ACTR3C: variants seen among roughly 807,000 people sequenced by gnomAD.
ACTR3C encodes the protein actin-related protein 3C.
Under a neutral mutation model 26.3 loss-of-function variants are expected in ACTR3C, and 18 were observed. The ratio of observed to expected loss-of-function variants is 0.68; its 90% CI spans 0.47 to 1.01. ACTR3C has a LOEUF of 1.01. ACTR3C is among the 50% of genes least tolerant of loss of function. The pLI, the probability that ACTR3C is intolerant of heterozygous loss-of-function variation, is 0.00. For missense variants in ACTR3C, 184 were observed against 250.7 expected, an observed-to-expected ratio of 0.73 and a Z score of 1.80; for synonymous variants, 55 against 94.5, an observed-to-expected ratio of 0.58 and a Z score of 2.42.
chr7:150,079,102 C>T, the ACTR3C span, among the ~76,000 whole-genome samples: 1 of 152,150 alleles, frequency 6.6e-6, no homozygotes, highest in African/African-American at 2.4e-5. Flanking sequence ...TCCATTTTTC[C>T]CATTTTTATG....
the ACTR3C span, among the ~76,000 whole-genome samples, chr7:150,191,159 C>A: frequency 6.6e-6 from 1 of 152,174 alleles, no homozygotes; most frequent in East Asian, 1.9e-4. Context: ...GTATGAGTAT[C>A]CCCATTATGT....
chr7:150,080,649 G>A, the ACTR3C span, among the ~76,000 whole-genome samples: 2 of 151,652 alleles, frequency 1.3e-5, no homozygotes, highest in Non-Finnish European at 2.9e-5. Context: ...ACACCTAGAT[G>A]GACAGTTCTG....
At position 150,296,210 on chromosome 7, in the gene ACTR3C, A is replaced by G. The variant is rs1049191107; in HGVS notation, c.-51-863T>C. On this transcript the variant is annotated intron_variant, in intron 1 of 7. Transcript: ENST00000683684. ...TATGAAAAAATTTAAAAGTCAGCCAAGTGTGGTGGCACATGCCTGTGATCC... is the reference window on the plus strand; with the variant it reads ...TATGAAAAAATTTAAAAGTCAGCCAGGTGTGGTGGCACATGCCTGTGATCC... Among the ~76,000 whole-genome samples, 148 of 148,580 alleles carry G rather than the reference A, an allele frequency of 1.0e-3. 3 individuals are homozygous for G. Among genetic ancestry groups the G allele is most frequent in the Non-Finnish European group, 4.0e-4 (27 of 67,792 alleles).
the ACTR3C span, among the ~76,000 whole-genome samples, chr7:150,086,463 A>T: frequency 0.041 from 5,609 of 135,320 alleles, no homozygotes; most frequent in East Asian, 0.069. Context: ...AAATTCCCAC[A>T]GTTCTCATCA....
At chr7:150,224,546 C>A in the ACTR3C span, among the ~76,000 whole-genome samples, 3 of 152,192 alleles carry the variant, frequency 2.0e-5, no homozygotes, top group Non-Finnish European at 4.4e-5. Flanking sequence ...TGTAGGCACA[C>A]CTGTTCCATA....
At chr7:150,214,679 A>T in the ACTR3C span, among the ~76,000 whole-genome samples, 1 of 152,188 alleles carries the variant, frequency 6.6e-6, no homozygotes, top group African/African-American at 2.4e-5. Context: ...AAGATGGTGC[A>T]TTTAAAGATT....
chr7:150,196,025 GT>G, the ACTR3C span, among the ~76,000 whole-genome samples: 1 of 151,924 alleles, frequency 6.6e-6, no homozygotes, highest in Admixed American at 6.6e-5. Context: ...CTCCTATTTT[GT>G]TCTTCAGCAA....
the ACTR3C span, among the ~76,000 whole-genome samples, chr7:150,031,933 C>A: frequency 6.6e-6 from 1 of 152,222 alleles, no homozygotes; most frequent in Non-Finnish European, 1.5e-5. Context: ...TTGTTTTCAC[C>A]CTGTATGGCA....
the ACTR3C span, among the ~76,000 whole-genome samples, chr7:149,959,416 A>G: frequency 1.3e-5 from 2 of 152,164 alleles, no homozygotes; most frequent in Middle Eastern, 3.4e-3. Context: ...AACCCCATAC[A>G]TGGTGTATGG....
the ACTR3C span, among the ~76,000 whole-genome samples, chr7:150,184,167 A>T: frequency 6.6e-6 from 1 of 150,796 alleles, no homozygotes; most frequent in African/African-American, 2.5e-5. Flanking sequence ...TCTGCATACT[A>T]CACTTTACAC....
the ACTR3C span, among the ~76,000 whole-genome samples, chr7:149,895,589 ACT>A: frequency 1.3e-5 from 2 of 152,132 alleles, no homozygotes; most frequent in Non-Finnish European, 2.9e-5. Flanking sequence ...AATCCCAGAG[ACT>A]CACGAGGCTA....
chr7:150,320,488 C>T (rs1247487528), intron 1 of ACTR3C, among the ~76,000 whole-genome samples: 3 of 152,102 alleles, frequency 2.0e-5, no homozygotes, highest in East Asian at 3.9e-4. Flanking sequence ...CCAGGCCAGG[C>T]GCCATGGCTC....
the ACTR3C span, among the ~76,000 whole-genome samples, chr7:150,075,614 T>C: frequency 2.0e-5 from 3 of 152,278 alleles, no homozygotes; most frequent in African/African-American, 7.2e-5. Flanking sequence ...AGCTGCCTCC[T>C]CCCCTAAAAA....
the ACTR3C span, among the ~76,000 whole-genome samples, chr7:149,935,918 G>A: frequency 0.14 from 21,611 of 152,112 alleles, 1,827 homozygotes; most frequent in African/African-American, 0.23. Flanking sequence ...TGCCACTGCT[G>A]GTTGTAAAGG....
At chr7:149,929,894 C>A in the ACTR3C span, among the ~76,000 whole-genome samples, 2 of 152,172 alleles carry the variant, frequency 1.3e-5, no homozygotes, top group Non-Finnish European at 1.5e-5. Flanking sequence ...GTGGACATCA[C>A]CCTCTCCAAA....
the ACTR3C span, among the ~76,000 whole-genome samples, chr7:149,986,155 T>A: frequency 6.6e-6 from 1 of 151,938 alleles, no homozygotes; most frequent in South Asian, 2.1e-4. Flanking sequence ...ACCCATTTCC[T>A]CTTGGTGGGA....
At chr7:149,995,568 C>A in the ACTR3C span, among the ~76,000 whole-genome samples, 1 of 152,268 alleles carries the variant, frequency 6.6e-6, no homozygotes, top group African/African-American at 2.4e-5. Context: ...TTTAATACTG[C>A]GTTGTTTGTT....
At chr7:150,184,628 CT>C in the ACTR3C span, among the ~76,000 whole-genome samples, 2 of 150,532 alleles carry the variant, frequency 1.3e-5, no homozygotes, top group African/African-American at 5.0e-5. Flanking sequence ...TCTTACCCTT[CT>C]TTCCTCACTC....
the ACTR3C span, among the ~76,000 whole-genome samples, chr7:150,134,024 C>A: frequency 6.6e-6 from 1 of 152,092 alleles, no homozygotes; most frequent in African/African-American, 2.4e-5. Flanking sequence ...AGGCATGAGC[C>A]ACCACCAAGC....
Sources: gnomAD v4.1 joint callset for allele counts (sites outside exome capture counted in the v4.1 genomes callset) on GRCh38, gnomAD v4.1.1 for gene constraint, MANE v1.5 for transcripts, NCBI Gene and HGNC (gene_info 2026-07-23, HGNC 2026-07-21) for gene names.